The following SCN11A variants were observed in gnomAD, a reference collection of about 807,000 sequenced individuals.
SCN11A encodes sodium channel protein type 11 subunit alpha.
Under a neutral mutation model 162.2 loss-of-function variants are expected in SCN11A, and 122 were observed. The observed-to-expected ratio is 0.75, with a 90% CI of 0.65 to 0.87. The LOEUF (loss-of-function observed/expected upper bound fraction) is 0.87, where lower values mean the gene tolerates loss of function less well. Ranked by LOEUF, SCN11A falls within the 40% of genes least tolerant of loss-of-function variation. SCN11A has a pLI of 0.00. For missense variants in SCN11A, 2,015 were observed against 2,181.6 expected, an observed-to-expected ratio of 0.92 and a Z score of 1.52; for synonymous variants, 758 against 751.5, an observed-to-expected ratio of 1.01 and a Z score of -0.14.
At position 39,051,849 on chromosome 3, in the gene SCN11A, A is replaced by C; in HGVS notation, c.-404+12T>G. ...ATACTTGCACAGTGGTTTTGTTTTT[A>C]GGTGCATCTACCTCATCACATGGCT... On this transcript the variant is annotated intron_variant, in intron 1 of 29. Transcript: ENST00000302328. 2 of 676,828 alleles carry C rather than the reference A, an allele frequency of 3.0e-6. No homozygotes were observed. Among genetic ancestry groups the C allele is most frequent in the Admixed American group, 5.3e-5 (2 of 37,764 alleles). The allele number at this position is 676,828 out of a possible 1,614,324, so 41.9% of individuals were successfully genotyped here. A position where few individuals can be genotyped will look rare whatever the true frequency, so the allele number is the denominator to read the frequency against.
intron 1 of SCN11A, among the ~76,000 whole-genome samples, chr3:39,051,190 C>A (rs1205345364): frequency 1.3e-5 from 2 of 151,500 alleles, no homozygotes; most frequent in Non-Finnish European, 2.9e-5. Flanking sequence ...ACTTGTGTCA[C>A]GGGTGTTTGT....
In SCN11A at chr3:38,909,127, T is replaced by A; in HGVS notation, c.1169A>T (p.Tyr390Phe). The change falls in exon 13 of 30, where the codon TAC becomes TTC. Residue 390 changes from tyrosine (Y) to phenylalanine (F), a missense_variant. By Grantham distance (22) the Tyr-to-Phe change is conservative. Transcript: ENST00000302328. The stretch of plus-strand genomic sequence containing the variant: ...AACAGCCAGGGTTAAGTTAATCAGG[T>A]AGAAGGAGCCCAGGAAAATGACCAC... ...FIVVIFLGSF[Y>F]LINLTLAVVT... The A allele has an allele frequency of 6.2e-7, 1 of 1,614,002 alleles. No individual in the cohort carries two copies.
intron 2 of SCN11A, among the ~76,000 whole-genome samples, chr3:38,980,599 G>A (rs2125590277): frequency 6.6e-6 from 1 of 152,354 alleles, no homozygotes; most frequent in South Asian, 2.1e-4. Context: ...GATATGTGAA[G>A]AGGTGTTATA....
chr3:38,847,828 G>T, intron 29 of SCN11A, 86 bp from the exon 30 acceptor site: 1 of 752,686 alleles, frequency 1.3e-6, no homozygotes, highest in Non-Finnish European at 2.1e-6. Flanking sequence ...AATCCTATGG[G>T]GGCCAACTTT....
At chr3:38,990,359 C>A (rs756507881) in intron 2 of SCN11A, among the ~76,000 whole-genome samples, 1 of 152,114 alleles carries the variant, frequency 6.6e-6, no homozygotes, top group Non-Finnish European at 1.5e-5. Context: ...ATTCCTGACC[C>A]AAATCTGCCC....
chr3:38,961,417 GC>G (rs2066739876), intron 2 of SCN11A, among the ~76,000 whole-genome samples: 1 of 152,150 alleles, frequency 6.6e-6, no homozygotes, highest in African/African-American at 2.4e-5. Flanking sequence ...CCCCTACTAA[GC>G]CAACACCCAG....
rs540817723 is a variant in SCN11A at position 38,996,814 on chromosome 3, C to T, written c.-280+35566G>A. ...AGTCAACTGGACATGGTGGTGCATG[C>T]CTGTAGTCCTGGCTACCAAGAGGCT... On this transcript the variant is annotated intron_variant, in intron 2 of 29. Transcript: ENST00000302328. 8.5e-5 allele frequency among the ~76,000 whole-genome samples: 13 copies of T among 152,256 alleles called. No homozygotes were observed. The South Asian group carries it at 2.3e-3, about 27-fold the overall frequency.
chr3:39,009,843 ATTTTTTT>A (rs60263866), intron 2 of SCN11A, among the ~76,000 whole-genome samples: 4 of 115,316 alleles, frequency 3.5e-5, no homozygotes, highest in South Asian at 2.9e-4. Flanking sequence ...CGCTCAGCTA[ATTTTTTT>A]TTTTTTTTTT....
At chr3:38,935,677 GA>G (rs2125563103) in intron 7 of SCN11A, among the ~76,000 whole-genome samples, 1 of 152,278 alleles carries the variant, frequency 6.6e-6, no homozygotes, top group African/African-American at 2.4e-5. Context: ...ACTAAACCAG[GA>G]AGAAGTTGAC....
intron 2 of SCN11A, among the ~76,000 whole-genome samples, chr3:38,962,935 C>A (rs1249304323): frequency 6.6e-6 from 1 of 151,734 alleles, no homozygotes; most frequent in African/African-American, 2.4e-5. Context: ...AAATGGCCAA[C>A]AAACGTGAAA....
At chr3:38,888,138 G>A (rs899851665) in intron 19 of SCN11A, among the ~76,000 whole-genome samples, 1 of 152,158 alleles carries the variant, frequency 6.6e-6, no homozygotes, top group Non-Finnish European at 1.5e-5. Flanking sequence ...AAGAGAGAAA[G>A]CCAAAAAACA....
intron 7 of SCN11A, among the ~76,000 whole-genome samples, chr3:38,937,245 GT>G (rs2066349991): frequency 1.3e-5 from 2 of 150,728 alleles, no homozygotes; most frequent in Non-Finnish European, 3.0e-5. Flanking sequence ...AGACTTAAAC[GT>G]TAGACCTAAA....
chr3:38,993,414 G>GTTAT (rs2030515881), intron 2 of SCN11A, among the ~76,000 whole-genome samples: 2 of 152,194 alleles, frequency 1.3e-5, no homozygotes, highest in African/African-American at 4.8e-5. Context: ...TCGTATAGCA[G>GTTAT]ATGTCTCAGA....
At chr3:38,947,192 C>T (rs1001717546) in intron 5 of SCN11A, among the ~76,000 whole-genome samples, 1 of 152,156 alleles carries the variant, frequency 6.6e-6, no homozygotes, top group Non-Finnish European at 1.5e-5. Flanking sequence ...TAGAAGAGAA[C>T]TTGAAGAGGC....
At chr3:38,915,880 T>C (rs573244174) in intron 11 of SCN11A, among the ~76,000 whole-genome samples, 122 of 152,310 alleles carry the variant, frequency 8.0e-4, no homozygotes, top group Non-Finnish European at 1.1e-3. Flanking sequence ...CCCAGTGATC[T>C]GTCTAATACT....
intron 23 of SCN11A, among the ~76,000 whole-genome samples, chr3:38,875,673 A>G (rs1036604884): frequency 1.3e-5 from 2 of 152,194 alleles, no homozygotes; most frequent in African/African-American, 4.8e-5. Context: ...AGACTTCTAC[A>G]AAGAAAACTA....
intron 2 of SCN11A, among the ~76,000 whole-genome samples, chr3:38,976,226 CA>C (rs1244445147): frequency 6.6e-6 from 1 of 151,976 alleles, no homozygotes; most frequent in Non-Finnish European, 1.5e-5. Context: ...TATAAGAAGG[CA>C]GAAATATTGA....
At chr3:38,951,461 G>A (rs1488876848) in intron 4 of SCN11A, among the ~76,000 whole-genome samples, 1 of 152,248 alleles carries the variant, frequency 6.6e-6, no homozygotes, top group Non-Finnish European at 1.5e-5. Context: ...TGTGCGGCCG[G>A]AGCCTCCCCG....
At chr3:38,963,415 TATGATGGA>T (rs2066758808) in intron 2 of SCN11A, among the ~76,000 whole-genome samples, 1 of 56,412 alleles carries the variant, frequency 1.8e-5, no homozygotes, top group African/African-American at 1.4e-4. Flanking sequence ...TATATATATA[TATGATGGA>T]GATATATATA....
Sources: gnomAD v4.1 joint callset for allele counts (sites outside exome capture counted in the v4.1 genomes callset) on GRCh38, gnomAD v4.1.1 for gene constraint, MANE v1.5 for transcripts, NCBI Gene and HGNC (gene_info 2026-07-23, HGNC 2026-07-21) for gene names.